MAP2: variants seen among roughly 807,000 people sequenced by gnomAD.
MAP2 encodes the protein microtubule associated protein 2.
A neutral mutation model predicts 137.6 loss-of-function variants in MAP2; 14 were observed. That is an observed-to-expected ratio of 0.10 (90% CI 0.07 to 0.16). The LOEUF is 0.16. Ranked by LOEUF, MAP2 falls within the 10% of genes least tolerant of loss-of-function variation. The pLI, the probability that MAP2 is intolerant of heterozygous loss-of-function variation, is 1.00. For synonymous variants in MAP2, 786 were observed against 782.3 expected (o/e 1.00, Z -0.08); for missense variants, 2,088 against 2,191.5 (o/e 0.95, Z 0.94).
chr2:209,636,288 A>G (rs2093555099), intron 4 of MAP2, among the ~76,000 whole-genome samples: 1 of 152,118 alleles, frequency 6.6e-6, no homozygotes, highest in Non-Finnish European at 1.5e-5. Flanking sequence ...TCCAGTAGTA[A>G]TCAATCCTGA....
intron 1 of MAP2, among the ~76,000 whole-genome samples, chr2:209,451,112 G>A (rs116425727): frequency 2.6e-5 from 4 of 152,106 alleles, no homozygotes; most frequent in Admixed American, 2.6e-4. Context: ...GAACAATTGA[G>A]TTATTTATCC....
chr2:209,696,632 A>T lies in MAP2; in HGVS notation c.4271A>T (p.Lys1424Ile). Residue 1424 changes from lysine (K) to isoleucine (I), a missense_variant, in exon 9 of 16, where the codon AAA becomes ATA. Around this residue, in one of 6 missense-constraint regions of MAP2, gnomAD observed 591 missense variants for 642.6 expected, o/e 0.92. Coordinates refer to ENST00000682079, the MANE Select transcript of MAP2 (RefSeq NM_001375505.1). ...EKEARRSSLEKHRKEKPFKTG... is the reference protein window; with the variant it reads ...EKEARRSSLEIHRKEKPFKTG... ...GAAGCTCGGAGATCATCTCTTGAGAAACATAGAAAAGAAAAGCCTTTTAAA... is the reference window on the plus strand; with the variant it reads ...GAAGCTCGGAGATCATCTCTTGAGATACATAGAAAAGAAAAGCCTTTTAAA... 6.2e-7 allele frequency: 1 copy of T among 1,613,916 alleles called. No homozygotes were observed. Among genetic ancestry groups the T allele is most frequent in the South Asian group, 1.1e-5 (1 of 91,070 alleles).
At chr2:209,481,044 A>G (rs1445527121) in intron 1 of MAP2, among the ~76,000 whole-genome samples, 4 of 152,140 alleles carry the variant, frequency 2.6e-5, no homozygotes, top group African/African-American at 9.7e-5. Context: ...AACTGAGAGG[A>G]AAAGAGACCA....
At chr2:209,702,448 T>A (rs1049934717) in intron 11 of MAP2, among the ~76,000 whole-genome samples, 3 of 152,030 alleles carry the variant, frequency 2.0e-5, no homozygotes, top group Non-Finnish European at 2.9e-5. Flanking sequence ...TCAGTACTGT[T>A]CTCTGATTTT....
intron 3 of MAP2, among the ~76,000 whole-genome samples, chr2:209,609,573 A>G (rs958714093): frequency 3.3e-5 from 5 of 152,198 alleles, no homozygotes; most frequent in African/African-American, 1.2e-4. Context: ...CATTTCATAT[A>G]AGTAATACAA....
In MAP2 at chr2:209,507,230, G is replaced by T. The variant is rs183393119; in HGVS notation, c.-221-362G>T. Among the ~76,000 whole-genome samples, 16 of 152,162 alleles carry T rather than the reference G, an allele frequency of 1.1e-4. No homozygotes were observed. In the East Asian group the frequency reaches 2.7e-3, roughly 26 times the overall value. Reference sequence around the variant, plus strand: ...AAAATGCCTGAGTTTTATTATTTTTGATTAAACATCTCTTAAGAGCAATGG... The same window carrying T: ...AAAATGCCTGAGTTTTATTATTTTTTATTAAACATCTCTTAAGAGCAATGG... On this transcript the variant is annotated intron_variant, in intron 1 of 15. Coordinates refer to ENST00000682079, the MANE Select transcript of MAP2 (RefSeq NM_001375505.1).
chr2:209,506,504 A>G (rs1356145629), intron 1 of MAP2, among the ~76,000 whole-genome samples: 1 of 152,190 alleles, frequency 6.6e-6, no homozygotes, highest in East Asian at 1.9e-4. Flanking sequence ...CTTTTTAATT[A>G]GAGACTGCCA....
chr2:209,445,733 C>A (rs1299335339), intron 1 of MAP2, among the ~76,000 whole-genome samples: 1 of 151,552 alleles, frequency 6.6e-6, no homozygotes, highest in African/African-American at 2.4e-5. Context: ...GCAAACCATT[C>A]CAACACCCAC....
intron 7 of MAP2, among the ~76,000 whole-genome samples, chr2:209,681,054 G>A (rs2054338343): frequency 1.3e-5 from 2 of 152,114 alleles, no homozygotes; most frequent in Non-Finnish European, 2.9e-5. Flanking sequence ...GCTTGATTAA[G>A]GAAAAGAATT....
chr2:209,521,489 A>G (rs927142456), intron 2 of MAP2, among the ~76,000 whole-genome samples: 7 of 151,626 alleles, frequency 4.6e-5, no homozygotes, highest in Non-Finnish European at 1.0e-4. Context: ...TTGGATTGTA[A>G]CCCTTTTCTC....
chr2:209,458,945 T>C (rs1160180041), intron 1 of MAP2, among the ~76,000 whole-genome samples: 1 of 152,182 alleles, frequency 6.6e-6, no homozygotes, highest in East Asian at 1.9e-4. Context: ...ATCGCATGAT[T>C]TATAATACAT....
chr2:209,640,233 T>G (rs925308057), intron 4 of MAP2, among the ~76,000 whole-genome samples: 7 of 152,098 alleles, frequency 4.6e-5, no homozygotes, highest in Non-Finnish European at 8.8e-5. Context: ...CACACTGTAT[T>G]ATTGTTATTG....
intron 5 of MAP2, among the ~76,000 whole-genome samples, chr2:209,666,085 T>C (rs1436855258): frequency 6.6e-6 from 1 of 152,208 alleles, no homozygotes; most frequent in Non-Finnish European, 1.5e-5. Flanking sequence ...TGTCTTTCTT[T>C]AAAAATTGGC....
intron 3 of MAP2, among the ~76,000 whole-genome samples, chr2:209,614,881 T>G (rs149780903): frequency 6.6e-6 from 1 of 152,152 alleles, no homozygotes; most frequent in Non-Finnish European, 1.5e-5. Context: ...CACCCTTAAT[T>G]GTAAACTCTT....
chr2:209,514,691 T>C (rs574069823), intron 2 of MAP2, among the ~76,000 whole-genome samples: 1 of 152,256 alleles, frequency 6.6e-6, no homozygotes, highest in Non-Finnish European at 1.5e-5. Context: ...AGAAATTCTT[T>C]ATATTCTACT....
rs769820712 is a variant in MAP2, at chr2:209,692,960, G to A, written c.790G>A (p.Asp264Asn). ...GCCTCCAACTCCAAAAGAACAAAAG[G>A]ACTGGTTCATCGAAATGCCAACGGA... Reference protein sequence around the residue: ...KEPPTPKEQKDWFIEMPTEAK... With the variant: ...KEPPTPKEQKNWFIEMPTEAK... Residue 264 changes from aspartate to asparagine, a missense_variant, in exon 8 of 16, where the codon GAC becomes AAC. By Grantham distance (23) the Asp-to-Asn change is conservative (BLOSUM62 1). Transcript: ENST00000682079. 2.5e-6 allele frequency: 4 copies of A among 1,613,968 alleles called. No homozygotes were observed. Among genetic ancestry groups the A allele is most frequent in the Non-Finnish European group, 1.7e-6 (2 of 1,179,956 alleles).
At chr2:209,592,615 A>AT (rs2079559645) in intron 3 of MAP2, among the ~76,000 whole-genome samples, 1 of 151,856 alleles carries the variant, frequency 6.6e-6, no homozygotes, top group Non-Finnish European at 1.5e-5. Context: ...GATACATTAC[A>AT]TTTTAGCATC....
intron 1 of MAP2, among the ~76,000 whole-genome samples, chr2:209,457,665 A>G (rs945799398): frequency 1.3e-5 from 2 of 152,186 alleles, no homozygotes; most frequent in African/African-American, 4.8e-5. Context: ...CACCATATGT[A>G]CTTCATAGGA....
intron 1 of MAP2, among the ~76,000 whole-genome samples, chr2:209,457,649 GA>G (rs765291257): frequency 2.0e-5 from 3 of 152,180 alleles, no homozygotes; most frequent in Admixed American, 1.3e-4. Flanking sequence ...AGAGGACAGG[GA>G]TATCCACCAT....
Sources: gnomAD v4.1 joint callset for allele counts (sites outside exome capture counted in the v4.1 genomes callset) on GRCh38, gnomAD v4.1.1 for gene constraint, gnomAD v4.1.1 regional missense constraint, MANE v1.5 for transcripts, NCBI Gene and HGNC (gene_info 2026-07-23, HGNC 2026-07-21) for gene names.